The following CHD5 variants were observed in gnomAD, a reference collection of about 807,000 sequenced individuals.
CHD5 encodes the protein chromodomain helicase DNA binding protein 5, also known as ATP-dependent chromatin remodeler CHD5.
CHD5 carries 69 observed loss-of-function variants against 230.3 expected under a neutral mutation model. The ratio of observed to expected loss-of-function variants is 0.30; its 90% CI spans 0.25 to 0.37. CHD5 has a LOEUF of 0.37. Ranked by LOEUF, CHD5 falls within the 10% of genes least tolerant of loss-of-function variation. CHD5 has a pLI of 1.00. For missense variants in CHD5, 1,827 were observed against 2,622.8 expected (o/e 0.70, Z 6.63); for synonymous variants, 1,064 against 1,065.9 (o/e 1.00, Z 0.03).
chr1:6,110,587 G>A, intron 36 of CHD5, 61 bp from the exon 37 acceptor site: 2 of 1,566,444 alleles, frequency 1.3e-6, no homozygotes, highest in Non-Finnish European at 8.7e-7. Context: ...CGTAGGGGGA[G>A]GCAGCTCAGG....
chr1:6,124,178 C>T, intron 30 of CHD5, 71 bp from the exon 31 acceptor site: 1 of 1,374,536 alleles, frequency 7.3e-7, no homozygotes, highest in Non-Finnish European at 1.0e-6. Context: ...CTAAGGGCCT[C>T]AGGGCAGCCA....
intron 33 of CHD5, among the ~76,000 whole-genome samples, chr1:6,114,351 G>A (rs754298593): frequency 1.1e-4 from 16 of 152,160 alleles, no homozygotes; most frequent in African/African-American, 2.4e-4. Context: ...GCAGACAAGC[G>A]CCTGGGGCTA....
rs1666139477 is a variant in CHD5, at chr1:6,105,098, T to C, written c.*376A>G. 6.1e-6 allele frequency: 2 copies of C among 328,376 alleles called. No individual in the cohort carries two copies. 20.3% of individuals were successfully genotyped at this position (328,376 alleles called of 1,614,324 possible). On this transcript the variant is annotated 3_prime_UTR_variant, in exon 42 of 42. Transcript: ENST00000262450. The surrounding 1 kb of genome is among the most constrained non-coding windows in gnomAD (Gnocchi z 4.8). Reference sequence around the variant, plus strand: ...GCTGCAGGTTCGAATCTTCCATACGTCATCCAACTTTTATCAAGACAAACG... The same window carrying C: ...GCTGCAGGTTCGAATCTTCCATACGCCATCCAACTTTTATCAAGACAAACG...
intron 2 of CHD5, among the ~76,000 whole-genome samples, chr1:6,162,569 G>C (rs1192775092): frequency 6.6e-6 from 1 of 152,134 alleles, no homozygotes; most frequent in Non-Finnish European, 1.5e-5. Flanking sequence ...GGCCAAGCCA[G>C]AGCAGGCTGC....
chr1:6,134,998 C>T lies in CHD5; in HGVS notation c.2871-139G>A, dbSNP rs1353907387. ...CCAAGGGACCCCCAAGAGGTGAAGCCACCGGCCTGGAGTCCCCCTGCAAGT... is the reference window on the plus strand; with the variant it reads ...CCAAGGGACCCCCAAGAGGTGAAGCTACCGGCCTGGAGTCCCCCTGCAAGT... On this transcript the variant is annotated intron_variant, in intron 18 of 41. Transcript: ENST00000262450. The surrounding 1 kb of genome is among the most constrained non-coding windows in gnomAD (Gnocchi z 6.3). 8.5e-7 allele frequency: 1 copy of T among 1,180,816 alleles called. No homozygotes were observed. The highest frequency in any genetic ancestry group is 1.2e-6 in the Non-Finnish European group (1 of 831,900). 73.1% of individuals were successfully genotyped at this position (1,180,816 alleles called of 1,614,324 possible). A position where few individuals can be genotyped will look rare whatever the true frequency, so the allele number is the denominator to read the frequency against.
chr1:6,139,384 C>T (rs757857800), intron 15 of CHD5, among the ~76,000 whole-genome samples: 3 of 151,390 alleles, frequency 2.0e-5, no homozygotes, highest in Non-Finnish European at 2.9e-5. Flanking sequence ...TTACAGGCAC[C>T]CACCACCACG....
In CHD5 at chr1:6,127,276, C is replaced by G. The variant is rs147182763; in HGVS notation, c.3904-530G>C. 855 of 157,866 alleles carry G rather than the reference C, an allele frequency of 5.4e-3. 7 individuals carry two copies. The highest frequency in any genetic ancestry group is 0.019 in the African/African-American group (790 of 41,546). 9.8% of individuals were successfully genotyped at this position (157,866 alleles called of 1,614,324 possible). A position where few individuals can be genotyped will look rare whatever the true frequency, so the allele number is the denominator to read the frequency against. On this transcript the variant is annotated intron_variant, in intron 25 of 41. Coordinates refer to ENST00000262450, the MANE Select transcript of CHD5 (RefSeq NM_015557.3). ...CCGAAGCAGGTAGATCACCTGAGGTCAGGAGTTCAAAACCAGCCTGGCCAA... is the reference window on the plus strand; with the variant it reads ...CCGAAGCAGGTAGATCACCTGAGGTGAGGAGTTCAAAACCAGCCTGGCCAA...
rs1007407112 is a variant in CHD5 at position 6,126,473 on chromosome 1, G to A, written c.4078+99C>T. The A allele has an allele frequency of 2.0e-5, 14 of 688,872 alleles. No homozygotes were observed. The highest frequency in any genetic ancestry group is 3.4e-5 in the Non-Finnish European group (13 of 386,768). The allele number at this position is 688,872 out of a possible 1,614,324, so 42.7% of individuals were successfully genotyped here. The stretch of plus-strand genomic sequence containing the variant: ...CACACTCGCCCAGCTCTCCCGGCCC[G>A]CACCTCCCGGGGGTTCTGCACAGGG... On this transcript the variant is annotated intron_variant, in intron 26 of 41. Transcript: ENST00000262450. This position sits in a 1 kb window ranked among gnomAD's most constrained non-coding sequence, Gnocchi z 5.7.
intron 1 of CHD5, among the ~76,000 whole-genome samples, chr1:6,172,788 C>T (rs1228915000): frequency 1.3e-5 from 2 of 152,188 alleles, no homozygotes; most frequent in Non-Finnish European, 2.9e-5. Context: ...CCACACTAGT[C>T]CCCCTGCACA....
intron 20 of CHD5, among the ~76,000 whole-genome samples, chr1:6,132,051 C>T (rs889085472): frequency 2.6e-5 from 4 of 152,142 alleles, no homozygotes; most frequent in Non-Finnish European, 4.4e-5. Context: ...GTATTCAAGG[C>T]GCTGCAGGAC....
chr1:6,165,892 C>A (rs895326207), intron 2 of CHD5, among the ~76,000 whole-genome samples: 1 of 152,036 alleles, frequency 6.6e-6, no homozygotes, highest in South Asian at 2.1e-4. Context: ...GGGAGCTTCA[C>A]CCTCTTTGAG....
At position 6,109,880 on chromosome 1, in the gene CHD5, T is replaced by C; in HGVS notation, c.5493A>G (p.Glu1831=). 6.2e-7 allele frequency: 1 copy of C among 1,612,632 alleles called. No homozygotes were observed. The highest frequency in any genetic ancestry group is 8.5e-7 in the Non-Finnish European group (1 of 1,179,570). Residue 1831 remains glutamate, a synonymous_variant, in exon 38 of 42, where the codon GAA becomes GAG. Coordinates refer to ENST00000262450, the MANE Select transcript of CHD5 (RefSeq NM_015557.3). The stretch of plus-strand genomic sequence containing the variant: ...GGTGGCTCTCGGCGAGGCACTCCAC[T>C]TCAGCCAGGCGGGCGTTGAGGGCCA... The part of the protein sequence containing the change: ...PAMALNARLA[E]VECLAESHQH...
intron 2 of CHD5, among the ~76,000 whole-genome samples, chr1:6,166,711 G>A (rs201113166): frequency 1.0e-5 from 1 of 97,758 alleles, no homozygotes; most frequent in Non-Finnish European, 1.8e-5. Flanking sequence ...ACAAGCCGGG[G>A]AAGTGGAAAT....
chr1:6,151,570 G>A (rs551350699), intron 6 of CHD5, among the ~76,000 whole-genome samples: 7 of 152,312 alleles, frequency 4.6e-5, no homozygotes, highest in South Asian at 4.1e-4. Context: ...GGTACATCAC[G>A]GGCTCTCCAC....
Position 6,103,671 on chromosome 1 carries a change from C to G in CHD5, c.*1803G>C, listed in dbSNP as rs1468936892. 1 of 152,324 alleles carries G rather than the reference C, an allele frequency of 6.6e-6. No individual in the cohort carries two copies. Among genetic ancestry groups the G allele is most frequent in the Non-Finnish European group, 1.5e-5 (1 of 68,108 alleles). 9.4% of individuals were successfully genotyped at this position (152,324 alleles called of 1,614,324 possible). ...GAACCATAACATGTGAGCCCGCTGACAATCATCTCCACTCCAGGGTGCTCC... is the reference window on the plus strand; with the variant it reads ...GAACCATAACATGTGAGCCCGCTGAGAATCATCTCCACTCCAGGGTGCTCC... On this transcript the variant is annotated 3_prime_UTR_variant, in exon 42 of 42. Transcript: ENST00000262450.
chr1:6,112,828 CTG>C, intron 34 of CHD5, 79 bp downstream of exon 34: 1 of 1,037,500 alleles, frequency 9.6e-7, no homozygotes, highest in Non-Finnish European at 1.5e-6. Flanking sequence ...GCCTGGGAGA[CTG>C]TGGGAGGCTG....
rs549394876 is a variant in CHD5, at chr1:6,175,246, T to C, written c.79+4699A>G. ...GATGCGTGGTTGGATTGTGGATTGATGGATGGATGGTGGGTGGATGGATGG... is the reference window on the plus strand; with the variant it reads ...GATGCGTGGTTGGATTGTGGATTGACGGATGGATGGTGGGTGGATGGATGG... On this transcript the variant is annotated intron_variant, in intron 1 of 41. Transcript: ENST00000262450. 5.5e-5 allele frequency among the ~76,000 whole-genome samples: 8 copies of C among 144,828 alleles called. No homozygotes were observed. In the East Asian group the frequency reaches 1.6e-3, roughly 30 times the overall value.
Position 6,154,235 on chromosome 1 carries a change from G to C in CHD5, c.745+425C>G, listed in dbSNP as rs866604140. On this transcript the variant is annotated intron_variant, in intron 5 of 41. Transcript: ENST00000262450. The surrounding 1 kb of genome is among the most constrained non-coding windows in gnomAD (Gnocchi z 7.0). ...GGGTATGCAGACAAGAAGAAGAGAC[G>C]GGCTCGACTGGGGCCTCCTCCTCCT... 6.6e-6 allele frequency among the ~76,000 whole-genome samples: 1 copy of C among 152,126 alleles called. No homozygotes were observed. Among genetic ancestry groups the C allele is most frequent in the Non-Finnish European group, 1.5e-5 (1 of 68,010 alleles).
intron 5 of CHD5, among the ~76,000 whole-genome samples, chr1:6,153,630 GACCAGCCTGGCCAACACGGTGAA>G (rs952880542): frequency 7.2e-5 from 11 of 152,188 alleles, no homozygotes; most frequent in African/African-American, 2.7e-4. Flanking sequence ...GGAGTTCTGA[GACCAGCCTGGCCAACACGGTGAA>G]ACCCCGTCTC....
Sources: allele counts gnomAD v4.1 joint callset (sites outside exome capture counted in the v4.1 genomes callset), GRCh38; gene constraint gnomAD v4.1.1; non-coding constraint Gnocchi (gnomAD v3.1); transcripts MANE v1.5; gene names NCBI Gene and HGNC (gene_info 2026-07-23, HGNC 2026-07-21).